Variants in ANKS1B observed in about 807,000 individuals in gnomAD.
ANKS1B encodes the protein ankyrin repeat and sterile alpha motif domain containing 1B, also known as ankyrin repeat and sterile alpha motif domain-containing protein 1B.
Under a neutral mutation model 148.3 loss-of-function variants are expected in ANKS1B, and 36 were observed. The observed-to-expected ratio is 0.24, with a 90% CI of 0.19 to 0.32. The LOEUF (loss-of-function observed/expected upper bound fraction) is 0.32, where lower values mean the gene tolerates loss of function less well. Ranked by LOEUF, ANKS1B falls within the 10% of genes least tolerant of loss-of-function variation. ANKS1B has a pLI of 1.00. For synonymous variants in ANKS1B, 542 were observed against 560.8 expected (o/e 0.97, Z 0.47); for missense variants, 1,157 against 1,542.6 (o/e 0.75, Z 4.19).
chr12:99,551,056 C>G (rs1330253156), intron 9 of ANKS1B, among the ~76,000 whole-genome samples: 2 of 152,186 alleles, frequency 1.3e-5, no homozygotes, highest in African/African-American at 4.8e-5. Context: ...CCATAATTAA[C>G]CCTACACAAT....
chr12:99,844,280 T>C (rs968608598), intron 1 of ANKS1B, among the ~76,000 whole-genome samples: 23 of 152,196 alleles, frequency 1.5e-4, no homozygotes, highest in Admixed American at 1.0e-3. Flanking sequence ...TTTGTGGCTA[T>C]TGCTTTTGGA....
chr12:99,877,718 G>A (rs749865860), intron 1 of ANKS1B, among the ~76,000 whole-genome samples: 12 of 152,172 alleles, frequency 7.9e-5, no homozygotes, highest in Non-Finnish European at 1.6e-4. Flanking sequence ...AGTTAGGATT[G>A]TGTTTAGTTG....
intron 12 of ANKS1B, among the ~76,000 whole-genome samples, chr12:99,292,230 C>A (rs868744758): frequency 3.3e-5 from 5 of 151,780 alleles, no homozygotes; most frequent in Non-Finnish European, 7.4e-5. Flanking sequence ...TGGTGGCTCA[C>A]GCCTGTAATC....
At chr12:99,392,795 A>G (rs1388803069) in intron 12 of ANKS1B, among the ~76,000 whole-genome samples, 1 of 152,132 alleles carries the variant, frequency 6.6e-6, no homozygotes, top group Non-Finnish European at 1.5e-5. Context: ...GATACTCTTT[A>G]CTTCTGATAA....
chr12:99,120,378 C>T (rs1220831217), intron 15 of ANKS1B, among the ~76,000 whole-genome samples: 1 of 152,152 alleles, frequency 6.6e-6, no homozygotes, highest in Non-Finnish European at 1.5e-5. Context: ...CTACACATGC[C>T]ATTATTTCAG....
intron 17 of ANKS1B, among the ~76,000 whole-genome samples, chr12:98,977,940 C>G (rs1320649847): frequency 6.6e-6 from 1 of 151,978 alleles, no homozygotes; most frequent in Non-Finnish European, 1.5e-5. Flanking sequence ...GCTCATCAAA[C>G]TATGGAATTT....
chr12:99,559,580 G>A (rs1222015857), intron 9 of ANKS1B, among the ~76,000 whole-genome samples: 2 of 152,080 alleles, frequency 1.3e-5, no homozygotes, highest in Non-Finnish European at 2.9e-5. Flanking sequence ...TTTTGTTGCA[G>A]GCATTATATT....
intron 14 of ANKS1B, among the ~76,000 whole-genome samples, chr12:99,158,854 C>T (rs1037166856): frequency 3.3e-5 from 5 of 152,146 alleles, no homozygotes; most frequent in African/African-American, 7.2e-5. Flanking sequence ...CCCAACCAAG[C>T]GGCATGGGAT....
At position 99,484,765 on chromosome 12, in the gene ANKS1B, T is replaced by G. The variant is rs779125457; in HGVS notation, c.1438+19711A>C. On this transcript the variant is annotated intron_variant, in intron 10 of 26. Transcript: ENST00000683438. The stretch of plus-strand genomic sequence containing the variant: ...GACCGTCTTTGTGTGTGTGTGTGTG[T>G]TTTTTTTTTTTTTTTTTTACCATTG... 3.2e-3 allele frequency among the ~76,000 whole-genome samples: 208 copies of G among 65,874 alleles called. 1 individual carries two copies. Among genetic ancestry groups the G allele is most frequent in the Non-Finnish European group, 2.8e-3 (103 of 36,818 alleles). 43.2% of individuals were successfully genotyped at this position (65,874 alleles called of 152,430 possible).
intron 1 of ANKS1B, among the ~76,000 whole-genome samples, chr12:99,979,812 T>A (rs1042986665): frequency 6.6e-6 from 1 of 152,044 alleles, no homozygotes; most frequent in Non-Finnish European, 1.5e-5. Context: ...AAATAGCTGA[T>A]TGTCATTGCG....
chr12:98,772,833 G>A (rs1000187291), intron 25 of ANKS1B, among the ~76,000 whole-genome samples: 4 of 152,186 alleles, frequency 2.6e-5, no homozygotes, highest in African/African-American at 9.7e-5. Flanking sequence ...CTGGCCCCCA[G>A]AAGCTGTGAG....
chr12:99,741,455 C>T (rs12426881), intron 8 of ANKS1B, among the ~76,000 whole-genome samples: 66,392 of 151,860 alleles, frequency 0.44, 14,931 homozygotes, highest in South Asian at 0.61. Context: ...TGTATGTTTA[C>T]TGCAGCATTA....
chr12:99,969,055 A>G (rs1339766947), intron 1 of ANKS1B, among the ~76,000 whole-genome samples: 1 of 152,174 alleles, frequency 6.6e-6, no homozygotes, highest in Non-Finnish European at 1.5e-5. Flanking sequence ...GCAACACAAG[A>G]ACTGACACAC....
chr12:99,875,317 C>T (rs2091950207), intron 1 of ANKS1B, among the ~76,000 whole-genome samples: 1 of 151,870 alleles, frequency 6.6e-6, no homozygotes, highest in Non-Finnish European at 1.5e-5. Flanking sequence ...TTTTTACTTG[C>T]ATGTATTCAA....
At chr12:99,356,422 C>A (rs1291546433) in intron 12 of ANKS1B, among the ~76,000 whole-genome samples, 1 of 152,090 alleles carries the variant, frequency 6.6e-6, no homozygotes, top group Admixed American at 6.6e-5. Context: ...ATTGTGCGAG[C>A]CTGATGGTGC....
intron 1 of ANKS1B, among the ~76,000 whole-genome samples, chr12:99,884,725 G>A (rs2092728466): frequency 6.6e-6 from 1 of 152,140 alleles, no homozygotes; most frequent in African/African-American, 2.4e-5. Flanking sequence ...ATCAGAGGTT[G>A]CCAAGGATTA....
In ANKS1B at chr12:99,599,980, G is replaced by A. The variant is rs532173110; in HGVS notation, c.1272+55087C>T. Among the ~76,000 whole-genome samples the A allele has an allele frequency of 7.9e-5, 12 of 151,988 alleles. No individual in the cohort carries two copies. The South Asian group carries it at 2.5e-3, about 32-fold the overall frequency. On this transcript the variant is annotated intron_variant, in intron 9 of 26. Coordinates refer to ENST00000683438, the MANE Select transcript of ANKS1B (RefSeq NM_001352186.2). ...GTTAGTAGAAACTGCTTTTATTGCT[G>A]GTCCCAGTGAGTTCCAAGGCAGTCT...
At chr12:98,893,232 C>T (rs563561265) in intron 17 of ANKS1B, among the ~76,000 whole-genome samples, 7 of 152,294 alleles carry the variant, frequency 4.6e-5, no homozygotes, top group East Asian at 1.9e-4. Context: ...GGATAGACAA[C>T]GACAGAATGA....
intron 17 of ANKS1B, among the ~76,000 whole-genome samples, chr12:98,942,762 C>T (rs1333522305): frequency 6.6e-6 from 1 of 152,238 alleles, no homozygotes; most frequent in Non-Finnish European, 1.5e-5. Flanking sequence ...AACACCCCAA[C>T]TGATAGCGAC....
Sources: gnomAD v4.1 joint callset for allele counts (sites outside exome capture counted in the v4.1 genomes callset) on GRCh38, gnomAD v4.1.1 for gene constraint, MANE v1.5 for transcripts, NCBI Gene and HGNC (gene_info 2026-07-23, HGNC 2026-07-21) for gene names.